The following CLVS1 variants were observed in gnomAD, a reference collection of about 807,000 sequenced individuals.
CLVS1 encodes the protein clavesin 1.
A neutral mutation model predicts 33.1 loss-of-function variants in CLVS1; 10 were observed. The ratio of observed to expected loss-of-function variants is 0.30; its 90% confidence interval spans 0.19 to 0.51. The LOEUF is 0.51. Among genes scored for constraint, CLVS1 ranks in the 20% least tolerant of loss-of-function variants. The pLI is 0.97. For synonymous variants in CLVS1, 163 were observed against 166.1 expected (o/e 0.98, Z 0.14); for missense variants, 343 against 433.4 (o/e 0.79, Z 1.85).
chr8:61,112,665 T>C (rs988541038), intron 1 of CLVS1, among the ~76,000 whole-genome samples: 7 of 152,314 alleles, frequency 4.6e-5, no homozygotes, highest in Admixed American at 3.3e-4. Context: ...ATCAGTAAGA[T>C]AGATTCTAAA....
chr8:61,277,163 C>T (rs572558368), intron 2 of CLVS1, among the ~76,000 whole-genome samples: 3 of 152,284 alleles, frequency 2.0e-5, no homozygotes, highest in South Asian at 2.1e-4. Context: ...TTCTAAGCAC[C>T]AAGCACTACC....
chr8:61,376,436 C>G (rs76938058), intron 2 of CLVS1, among the ~76,000 whole-genome samples, 169 bp from the exon 3 acceptor site: 50 of 152,358 alleles, frequency 3.3e-4, no homozygotes, highest in African/African-American at 1.2e-3. Flanking sequence ...AGCATTATGG[C>G]TGTGAAGTTT....
chr8:61,027,988 G>T, the CLVS1 span, among the ~76,000 whole-genome samples: 26 of 152,158 alleles, frequency 1.7e-4, no homozygotes, highest in Non-Finnish European at 1.8e-4. Flanking sequence ...TAATAGAAAA[G>T]ATCCCGATGT....
intron 2 of CLVS1, among the ~76,000 whole-genome samples, chr8:61,361,963 G>A (rs1240968794): frequency 6.6e-6 from 1 of 152,184 alleles, no homozygotes; most frequent in Non-Finnish European, 1.5e-5. Context: ...GAGTGAGGCT[G>A]TTGATGAAAA....
intron 2 of CLVS1, among the ~76,000 whole-genome samples, chr8:61,192,318 G>A (rs576366888): frequency 1.3e-5 from 2 of 152,256 alleles, no homozygotes; most frequent in Admixed American, 1.3e-4. Context: ...AAACTGGCTA[G>A]ACATATGTAG....
rs1563395549 is a variant in CLVS1, at chr8:61,082,499, A to AAC, written c.-243+25270_-243+25271insCA. On this transcript the variant is annotated intron_variant, in intron 1 of 2. Transcript: ENST00000522621. ...AACAAAGAAACAAACAAACAAACAA[A>AAC]AACAACAACAACAACAAAAAACTGT... Among the ~76,000 whole-genome samples the AAC allele has an allele frequency of 4.0e-5, 6 of 151,376 alleles. No individual in the cohort carries two copies. In the East Asian group the frequency reaches 9.7e-4, roughly 24 times the overall value.
At chr8:61,339,998 G>A (rs77806436) in intron 2 of CLVS1, among the ~76,000 whole-genome samples, 1,778 of 136,690 alleles carry the variant, frequency 0.013, 39 homozygotes, top group African/African-American at 0.044. Flanking sequence ...AAGAGAAAAT[G>A]AAAGAAAGGA....
At position 61,453,996 on chromosome 8, in the gene CLVS1, G is replaced by A. The variant is rs545357160; in HGVS notation, c.631-145G>A. ...GACATCCTTAACAATTAGGAAGTGA[G>A]TGTGTTTTCTTCCTCTCCTCATCCT... On this transcript the variant is annotated intron_variant, in intron 3 of 5. Transcript: ENST00000325897. The A allele has an allele frequency of 1.0e-3, 694 of 687,120 alleles. 4 individuals are homozygous for A. Among genetic ancestry groups the A allele is most frequent in the Middle Eastern group, 6.8e-3 (16 of 2,362 alleles). The allele number at this position is 687,120 out of a possible 1,614,324, so 42.6% of individuals were successfully genotyped here. A position where few individuals can be genotyped will look rare whatever the true frequency, so the allele number is the denominator to read the frequency against.
chr8:61,481,744 C>T (rs1214767741), intron 5 of CLVS1, among the ~76,000 whole-genome samples: 1 of 152,230 alleles, frequency 6.6e-6, no homozygotes, highest in East Asian at 1.9e-4. Context: ...GGAAGCCTGC[C>T]TCCCTCTGTA....
chr8:61,099,775 T>C (rs1805416276), intron 1 of CLVS1, among the ~76,000 whole-genome samples: 1 of 152,218 alleles, frequency 6.6e-6, no homozygotes, highest in Admixed American at 6.5e-5. Flanking sequence ...ACTGAACTTC[T>C]AATGTGGGCA....
intron 2 of CLVS1, among the ~76,000 whole-genome samples, chr8:61,322,409 G>C (rs1811225908): frequency 6.6e-6 from 1 of 152,114 alleles, no homozygotes. Context: ...AAGATTCTGA[G>C]CCTCACATGA....
intron 3 of CLVS1, among the ~76,000 whole-genome samples, chr8:61,418,859 A>G (rs1430621822): frequency 6.6e-6 from 1 of 152,202 alleles, no homozygotes; most frequent in Non-Finnish European, 1.5e-5. Context: ...AGAGAATGCA[A>G]AATTGCCACA....
intron 2 of CLVS1, among the ~76,000 whole-genome samples, chr8:61,356,770 C>T (rs914106158): frequency 6.6e-6 from 1 of 152,148 alleles, no homozygotes; most frequent in East Asian, 1.9e-4. Context: ...TTCCATTGAT[C>T]TATATCTCTG....
chr8:61,187,858 ATATT>A (rs201839170), intron 2 of CLVS1, among the ~76,000 whole-genome samples: 6,841 of 150,324 alleles, frequency 0.046, 278 homozygotes, highest in South Asian at 0.15. Context: ...CATATATGTA[ATATT>A]TATTTATTAA....
At chr8:61,389,257 G>A (rs1252626288) in intron 3 of CLVS1, among the ~76,000 whole-genome samples, 1 of 152,136 alleles carries the variant, frequency 6.6e-6, no homozygotes, top group African/African-American at 2.4e-5. Flanking sequence ...AGAAATAACA[G>A]GGCCAAGTGC....
At chr8:61,078,043 G>A (rs921990074) in intron 1 of CLVS1, among the ~76,000 whole-genome samples, 1 of 152,206 alleles carries the variant, frequency 6.6e-6, no homozygotes, top group Admixed American at 6.5e-5. Context: ...GGAGGAAGCC[G>A]AGGGGAGCGC....
At chr8:61,192,583 A>G (rs1487304185) in intron 2 of CLVS1, among the ~76,000 whole-genome samples, 2 of 152,356 alleles carry the variant, frequency 1.3e-5, no homozygotes, top group East Asian at 3.9e-4. Flanking sequence ...TGAACAGGCA[A>G]CCTACAGAAT....
At chr8:61,099,767 T>G (rs1563402360) in intron 1 of CLVS1, among the ~76,000 whole-genome samples, 1 of 152,216 alleles carries the variant, frequency 6.6e-6, no homozygotes, top group African/African-American at 2.4e-5. Flanking sequence ...AAGTATTTAC[T>G]GAACTTCTAA....
In CLVS1 at chr8:61,176,358, C is replaced by A. The variant is rs1346800643; in HGVS notation, c.-152+44498C>A. 4.6e-5 allele frequency among the ~76,000 whole-genome samples: 7 copies of A among 152,300 alleles called. No individual in the cohort carries two copies. The East Asian group carries it at 1.2e-3, about 25-fold the overall frequency. On this transcript the variant is annotated intron_variant, in intron 2 of 2. Coordinates refer to the CLVS1 transcript ENST00000522621. ...CAGCTCCACCTGGCTCACACACTAA[C>A]CCCGGACTCATAAACAAGCCCAGCC...
Sources: allele counts gnomAD v4.1 joint callset (sites outside exome capture counted in the v4.1 genomes callset), GRCh38; gene constraint gnomAD v4.1.1; transcripts MANE v1.5; gene names NCBI Gene and HGNC (gene_info 2026-07-23, HGNC 2026-07-21).